Variants in CCDC174 observed in about 807,000 individuals in gnomAD.
CCDC174 encodes the protein coiled-coil domain containing 174, also known as coiled-coil domain-containing protein 174.
In CCDC174, 37 loss-of-function variants were observed where a neutral mutation model predicts 57.1. That is an observed-to-expected ratio of 0.65 (90% CI 0.50 to 0.85). The LOEUF (loss-of-function observed/expected upper bound fraction) is 0.85. Among genes scored for constraint, CCDC174 ranks in the 40% least tolerant of loss-of-function variants. The pLI, the probability that CCDC174 is intolerant of heterozygous loss-of-function variation, is 0.00. For missense variants in CCDC174, 540 were observed against 574.3 expected, an observed-to-expected ratio of 0.94 and a Z score of 0.61; for synonymous variants, 182 against 190.2, an observed-to-expected ratio of 0.96 and a Z score of 0.35.
At position 14,672,533 on chromosome 3, in the gene CCDC174, A is replaced by G. The variant is rs531693454; in HGVS notation, c.*1339A>G. On this transcript the variant is annotated 3_prime_UTR_variant, in exon 11 of 11. Transcript: ENST00000383794. ...AAGCAATCTTAGACAAACATCCTGA[A>G]TTCTTACAAACTTACCTCTAAACTC... 4 of 152,342 alleles carry G rather than the reference A, an allele frequency of 2.6e-5. No individual in the cohort carries two copies. Among genetic ancestry groups the G allele is most frequent in the African/African-American group, 9.6e-5 (4 of 41,576 alleles). 9.4% of individuals were successfully genotyped at this position (152,342 alleles called of 1,614,324 possible).
In CCDC174 at chr3:14,658,863, T is replaced by C. The variant is rs1357160675; in HGVS notation, c.249-8T>C. 9 of 1,544,722 alleles carry C rather than the reference T, an allele frequency of 5.8e-6. No individual in the cohort carries two copies. Among genetic ancestry groups the C allele is most frequent in the Admixed American group, 1.8e-5 (1 of 56,316 alleles). On this transcript the variant is annotated splice_polypyrimidine_tract_variant and splice_region_variant and intron_variant, in intron 3 of 10. Coordinates refer to ENST00000383794, the MANE Select transcript of CCDC174 (RefSeq NM_016474.5). ...CCATTTCTAATACTTGTATTTTTTT[T>C]CTCCTAGGGAAAAATTGGAAGAAAA... is the stretch of plus-strand genomic sequence containing the variant.
At chr3:14,667,393 T>C (rs775714965) in intron 7 of CCDC174, 31 bp from the exon 8 acceptor site, 1 of 1,550,536 alleles carries the variant, frequency 6.4e-7, no homozygotes, top group South Asian at 1.1e-5. Context: ...CAGGACAGTC[T>C]GATCTTTTGG....
chr3:14,653,013 G>T (rs1005473106), intron 1 of CCDC174, among the ~76,000 whole-genome samples: 1 of 152,162 alleles, frequency 6.6e-6, no homozygotes, highest in Non-Finnish European at 1.5e-5. Context: ...CCCAACCTTT[G>T]ATTTAATCTT....
At chr3:14,663,518 C>T (rs1419280040) in intron 5 of CCDC174, among the ~76,000 whole-genome samples, 1 of 152,098 alleles carries the variant, frequency 6.6e-6, no homozygotes, top group Admixed American at 6.5e-5. Flanking sequence ...TTCCCTAGAC[C>T]CTTGGAAGAT....
At position 14,668,139 on chromosome 3, in the gene CCDC174, A is replaced by T. The variant is rs746868131; in HGVS notation, c.910A>T (p.Met304Leu). The change falls in exon 9 of 11, where the codon ATG becomes TTG. Residue 304 changes from methionine (M) to leucine (L), a missense_variant. Coordinates refer to ENST00000383794, the MANE Select transcript of CCDC174 (RefSeq NM_016474.5). ...ARLAKLRQKK[M>L]KKSKEGGTEE... ...ACTTGCCAAACTTCGACAAAAAAAG[A>T]TGAAAAAATCAAAAGAAGGTGGAAC... The T allele has an allele frequency of 6.2e-7, 1 of 1,611,986 alleles. No individual in the cohort carries two copies. Among genetic ancestry groups the T allele is most frequent in the South Asian group, 1.1e-5 (1 of 90,514 alleles).
intron 9 of CCDC174, among the ~76,000 whole-genome samples, chr3:14,668,692 G>T (rs1362881091): frequency 6.6e-6 from 1 of 152,166 alleles, no homozygotes; most frequent in Non-Finnish European, 1.5e-5. Context: ...TGCTATGTCA[G>T]ACTAGCTTAT....
At chr3:14,668,316 G>C in intron 9 of CCDC174, 135 bp downstream of exon 9, 1 of 792,720 alleles carries the variant, frequency 1.3e-6, no homozygotes, top group Non-Finnish European at 2.0e-6. Context: ...TTGAGGTACT[G>C]GCAGGAGCAA....
At position 14,665,027 on chromosome 3, in the gene CCDC174, G is replaced by C; in HGVS notation, c.486-1G>C. ...TTCACATCTTTTTGCTTTCATTTCA[G>C]GGTGGATTACGTGGACTCTTTGGGG... On this transcript the variant is annotated splice_acceptor_variant, in intron 5 of 10. Transcript: ENST00000383794. LOFTEE classifies it high-confidence loss of function. The C allele has an allele frequency of 6.2e-7, 1 of 1,612,406 alleles. No homozygotes were observed. The highest frequency in any genetic ancestry group is 8.5e-7 in the Non-Finnish European group (1 of 1,178,470).
chr3:14,665,791 G>C (rs971600755), intron 6 of CCDC174, among the ~76,000 whole-genome samples: 1 of 152,034 alleles, frequency 6.6e-6, no homozygotes, highest in South Asian at 2.1e-4. Context: ...AGCACTTTGG[G>C]AGGCCGAGGC....
intron 4 of CCDC174, 98 bp from the exon 5 acceptor site, chr3:14,661,432 G>A (rs2031130921): frequency 5.1e-6 from 5 of 974,078 alleles, no homozygotes; most frequent in Admixed American, 2.3e-5. Context: ...GAGCTGTCAG[G>A]GGTGATGGGG....
Position 14,671,078 on chromosome 3 carries a change from G to C in CCDC174, c.1288G>C (p.Gly430Arg). The change falls in exon 11 of 11, where the codon GGA (glycine) becomes CGA (arginine). Residue 430 changes from glycine to arginine, a missense_variant. Gly to Arg is a moderately radical substitution (Grantham distance 125). Transcript: ENST00000383794. The stretch of plus-strand genomic sequence containing the variant: ...AGGGCAGTGCCCTGACCAGAGCCAC[G>C]GACCTAGCCCTGAACATACGTCACC... ...DPGQCPDQSHGPSPEHTSPTP... is the reference protein window; with the variant it reads ...DPGQCPDQSHRPSPEHTSPTP... 1.9e-6 allele frequency: 3 copies of C among 1,614,094 alleles called. No individual in the cohort carries two copies. The highest frequency in any genetic ancestry group is 2.5e-6 in the Non-Finnish European group (3 of 1,180,016).
rs755372094 is a variant in CCDC174 at position 14,655,650 on chromosome 3, A to C, written c.248+21A>C. 2.0e-5 allele frequency: 30 copies of C among 1,486,212 alleles called. No homozygotes were observed. The Admixed American group carries it at 5.3e-4, about 26-fold the overall frequency. 92.1% of individuals were successfully genotyped at this position (1,486,212 alleles called of 1,614,324 possible). On this transcript the variant is annotated intron_variant, in intron 3 of 10. Coordinates refer to ENST00000383794, the MANE Select transcript of CCDC174 (RefSeq NM_016474.5). ...GCAAGGTAAAGTTATAAGCTCTGGT[A>C]AATATAGTTAGCTTTGAGGCTACCC... is the stretch of plus-strand genomic sequence containing the variant.
intron 10 of CCDC174, 48 bp from the exon 11 acceptor site, chr3:14,670,848 A>C: frequency 1.4e-6 from 2 of 1,420,740 alleles, no homozygotes; most frequent in African/African-American, 1.4e-5. Flanking sequence ...AATAAATTCA[A>C]CTGATTCGTT....
chr3:14,660,239 C>G (rs1017394075), intron 4 of CCDC174, among the ~76,000 whole-genome samples: 9 of 152,350 alleles, frequency 5.9e-5, no homozygotes, highest in African/African-American at 2.2e-4. Flanking sequence ...GGCGTGGTGG[C>G]TCATGCCTGT....
rs778856285 is a variant in CCDC174 at position 14,651,813 on chromosome 3, G to C, written c.-24G>C. 2.5e-6 allele frequency: 4 copies of C among 1,613,734 alleles called. No homozygotes were observed. The South Asian group carries it at 4.4e-5, about 18-fold the overall frequency. On this transcript the variant is annotated 5_prime_UTR_variant, in exon 1 of 11. Coordinates refer to ENST00000383794, the MANE Select transcript of CCDC174 (RefSeq NM_016474.5). ...GTGTCGGGTAGAAAGGGTCCTTCCT[G>C]GACCGGGACCCTCTGCCACGACCAT...
At chr3:14,667,191 G>T in intron 7 of CCDC174, 1 of 615,888 alleles carries the variant, frequency 1.6e-6, no homozygotes, top group East Asian at 2.8e-5. Context: ...GACAGCCCAT[G>T]GCTGAAAGCA....
At chr3:14,655,674 C>A (rs116166197) in intron 3 of CCDC174, 45 bp downstream of exon 3, 16,597 of 1,266,836 alleles carry the variant, frequency 0.013, 157 homozygotes, top group Non-Finnish European at 0.016. Context: ...TTGAGGCTAC[C>A]CAGGCAGAGA....
intron 5 of CCDC174, 39 bp downstream of exon 5, chr3:14,661,746 A>G (rs766070723): frequency 4.3e-5 from 66 of 1,531,798 alleles, no homozygotes; most frequent in Non-Finnish European, 5.6e-5. Flanking sequence ...GAACATCCTC[A>G]GACTTGCGCT....
Position 14,665,041 on chromosome 3 carries a change from G to A in CCDC174, c.499G>A (p.Asp167Asn). Residue 167 changes from aspartate to asparagine, a missense_variant, in exon 6 of 11, where the codon GAC becomes AAC. Asp to Asn is a conservative substitution (Grantham distance 23, BLOSUM62 1). Coordinates refer to ENST00000383794, the MANE Select transcript of CCDC174 (RefSeq NM_016474.5). ...CTTTCATTTCAGGGTGGATTACGTG[G>A]ACTCTTTGGGGCGTTCCCGGCGCTG... ...DPSEEWVDYV[D>N]SLGRSRRCMR... 6.2e-7 allele frequency: 1 copy of A among 1,613,764 alleles called. No individual in the cohort carries two copies. Among genetic ancestry groups the A allele is most frequent in the Non-Finnish European group, 8.5e-7 (1 of 1,179,754 alleles).
Sources: gnomAD v4.1 joint callset for allele counts (sites outside exome capture counted in the v4.1 genomes callset) on GRCh38, gnomAD v4.1.1 for gene constraint, MANE v1.5 for transcripts, NCBI Gene and HGNC (gene_info 2026-07-23, HGNC 2026-07-21) for gene names.